The following EXOC4 variants were observed in gnomAD, a reference collection of about 807,000 sequenced individuals.
EXOC4 encodes SEC8-like 1.
In EXOC4, 71 loss-of-function variants were observed where a neutral mutation model predicts 107.2. The ratio of observed to expected loss-of-function variants is 0.66; its 90% CI spans 0.55 to 0.81. The LOEUF is 0.81. Among genes scored for constraint, EXOC4 ranks in the 30% least tolerant of loss-of-function variants. The pLI, the probability that EXOC4 is intolerant of heterozygous loss-of-function variation, is 0.00. For missense variants in EXOC4, 1,108 were observed against 1,189.6 expected (o/e 0.93, Z 1.01); for synonymous variants, 456 against 441.2 (o/e 1.03, Z -0.42).
At chr7:133,975,085 T>G (rs1793800070) in intron 14 of EXOC4, among the ~76,000 whole-genome samples, 1 of 152,078 alleles carries the variant, frequency 6.6e-6, no homozygotes, top group Non-Finnish European at 1.5e-5. Context: ...TTCACCATCC[T>G]TGTTTATAAG....
rs1273306587 is a variant in EXOC4 at position 134,034,452 on chromosome 7, C to T, written c.2687+26617C>T. Among the ~76,000 whole-genome samples the T allele has an allele frequency of 3.9e-5, 6 of 152,280 alleles. No homozygotes were observed. The East Asian group carries it at 7.7e-4, about 20-fold the overall frequency. On this transcript the variant is annotated intron_variant, in intron 17 of 17. Coordinates refer to ENST00000253861, the MANE Select transcript of EXOC4 (RefSeq NM_021807.4). Reference sequence around the variant, plus strand: ...TGAATTGTAATCCCCATAATCTGTACATGTCAAGGGAGAGACCAGGTGGAG... The same window carrying T: ...TGAATTGTAATCCCCATAATCTGTATATGTCAAGGGAGAGACCAGGTGGAG...
chr7:133,543,500 C>T (rs552404192), intron 9 of EXOC4, among the ~76,000 whole-genome samples: 2 of 152,226 alleles, frequency 1.3e-5, no homozygotes, highest in South Asian at 4.1e-4. Flanking sequence ...CCCCCTTGAA[C>T]AGCCTCATCC....
chr7:133,336,586 G>A (rs1027644153), intron 5 of EXOC4, among the ~76,000 whole-genome samples: 1 of 151,858 alleles, frequency 6.6e-6, no homozygotes, highest in South Asian at 2.1e-4. Context: ...CTATAATTAT[G>A]TATAAAATTT....
chr7:133,596,577 C>G (rs534733214), intron 9 of EXOC4, among the ~76,000 whole-genome samples: 2 of 152,134 alleles, frequency 1.3e-5, no homozygotes, highest in Admixed American at 6.5e-5. Flanking sequence ...TGTGGCTCCC[C>G]CATAAGTGCA....
At chr7:133,312,507 TTAAAAA>T (rs1794897887) in intron 4 of EXOC4, among the ~76,000 whole-genome samples, 1 of 152,164 alleles carries the variant, frequency 6.6e-6, no homozygotes, top group Non-Finnish European at 1.5e-5. Flanking sequence ...AGCATGTTTT[TTAAAAA>T]TAATAATACA....
At chr7:133,423,424 G>A (rs182171832) in intron 7 of EXOC4, among the ~76,000 whole-genome samples, 13 of 152,184 alleles carry the variant, frequency 8.5e-5, no homozygotes, top group Admixed American at 5.2e-4. Flanking sequence ...CAATATGTAC[G>A]CCATAGCACT....
At chr7:134,100,702 T>C in the EXOC4 span, among the ~76,000 whole-genome samples, 1 of 130,456 alleles carries the variant, frequency 7.7e-6, no homozygotes, top group Non-Finnish European at 1.7e-5. Context: ...TCCCAGCACT[T>C]TGAGAGACCG....
At chr7:133,570,901 GAAGT>G (rs1801010056) in intron 9 of EXOC4, among the ~76,000 whole-genome samples, 1 of 152,172 alleles carries the variant, frequency 6.6e-6, no homozygotes, top group Non-Finnish European at 1.5e-5. Flanking sequence ...GCATTTTAAA[GAAGT>G]AAGACTGTGC....
chr7:134,094,824 G>A, the EXOC4 span, among the ~76,000 whole-genome samples: 2 of 151,672 alleles, frequency 1.3e-5, no homozygotes, highest in African/African-American at 2.4e-5. Flanking sequence ...GGCATCAAAG[G>A]AACATATCTA....
chr7:133,374,544 CAT>C (rs1209836732), intron 6 of EXOC4, among the ~76,000 whole-genome samples: 2 of 152,118 alleles, frequency 1.3e-5, no homozygotes, highest in Non-Finnish European at 2.9e-5. Context: ...AAAACGGCAA[CAT>C]ATGTTTATTG....
chr7:133,386,054 G>C (rs1584874270), intron 7 of EXOC4, among the ~76,000 whole-genome samples: 1 of 151,778 alleles, frequency 6.6e-6, no homozygotes, highest in Non-Finnish European at 1.5e-5. Flanking sequence ...TACATTGACA[G>C]ATATAATTAT....
chr7:133,438,988 G>T (rs1305881135), intron 7 of EXOC4, among the ~76,000 whole-genome samples: 2 of 152,032 alleles, frequency 1.3e-5, no homozygotes, highest in African/African-American at 4.8e-5. Flanking sequence ...TTACAGGTTT[G>T]GTTTTACTTC....
intron 17 of EXOC4, among the ~76,000 whole-genome samples, chr7:134,025,829 AG>A (rs1336570958): frequency 6.6e-6 from 1 of 152,214 alleles, no homozygotes; most frequent in Non-Finnish European, 1.5e-5. Context: ...GGACGAGCAT[AG>A]TATCACTTCT....
At chr7:133,280,062 A>T (rs1794095978) in intron 2 of EXOC4, among the ~76,000 whole-genome samples, 1 of 152,202 alleles carries the variant, frequency 6.6e-6, no homozygotes, top group Non-Finnish European at 1.5e-5. Context: ...GGCTCAAGGG[A>T]TCCTCCTGCC....
At chr7:133,481,067 A>AAC (rs994568725) in intron 9 of EXOC4, 11 of 151,654 alleles carry the variant, frequency 7.3e-5, no homozygotes, top group East Asian at 1.9e-4. Context: ...GAAAAAAAAA[A>AAC]AAACAACAAA....
intron 9 of EXOC4, among the ~76,000 whole-genome samples, chr7:133,504,173 C>T (rs1799626578): frequency 1.3e-5 from 2 of 151,932 alleles, no homozygotes; most frequent in Admixed American, 6.6e-5. Context: ...ATACATCTAA[C>T]CTATATTTAA....
rs1563028425 is a variant in EXOC4 at position 133,855,092 on chromosome 7, A to AATATATATATAAATATATATAAAT, written c.1734+37570_1734+37593dup. Among the ~76,000 whole-genome samples, 100 of 49,326 alleles carry AATATATATATAAATATATATAAAT rather than the reference A, an allele frequency of 2.0e-3. 1 individual carries two copies. The highest frequency in any genetic ancestry group is 2.5e-3 in the Admixed American group (13 of 5,114). The allele number at this position is 49,326 out of a possible 152,430, so 32.4% of individuals were successfully genotyped here. A position where few individuals can be genotyped will look rare whatever the true frequency, so the allele number is the denominator to read the frequency against. On this transcript the variant is annotated intron_variant, in intron 11 of 17. Coordinates refer to ENST00000253861, the MANE Select transcript of EXOC4 (RefSeq NM_021807.4). ...ATCTAAATATATCTAAATATATATA[A>AATATATATATAAATATATATAAAT]ATATATATATAAATATATATAAATA...
intron 9 of EXOC4, among the ~76,000 whole-genome samples, chr7:133,530,990 C>T (rs943023952): frequency 2.0e-5 from 3 of 152,032 alleles, no homozygotes; most frequent in Non-Finnish European, 2.9e-5. Context: ...TAAGGTTGGC[C>T]TTTCTGACAT....
chr7:133,310,813 G>T (rs917317667), intron 4 of EXOC4, among the ~76,000 whole-genome samples: 4 of 152,160 alleles, frequency 2.6e-5, no homozygotes, highest in African/African-American at 9.7e-5. Context: ...CTGAGCCTGG[G>T]TAATGCCTGG....
Sources: gnomAD v4.1 joint callset for allele counts (sites outside exome capture counted in the v4.1 genomes callset) on GRCh38, gnomAD v4.1.1 for gene constraint, MANE v1.5 for transcripts, NCBI Gene and HGNC (gene_info 2026-07-23, HGNC 2026-07-21) for gene names.